The following ANKS1B variants were observed in gnomAD, a reference collection of about 807,000 sequenced individuals.
ANKS1B encodes the protein ankyrin repeat and sterile alpha motif domain-containing protein 1B.
In ANKS1B, 36 loss-of-function variants were observed where a neutral mutation model predicts 148.3. The observed-to-expected ratio is 0.24, with a 90% CI of 0.19 to 0.32. ANKS1B has a LOEUF of 0.32. Ranked by LOEUF, ANKS1B falls within the 10% of genes least tolerant of loss-of-function variation. The probability of loss-of-function intolerance (pLI) is 1.00; values close to 1 mark genes in which losing one functional copy is unlikely to be tolerated. For synonymous variants in ANKS1B, 542 were observed against 560.8 expected (o/e 0.97, Z 0.47); for missense variants, 1,157 against 1,542.6 (o/e 0.75, Z 4.19).
intron 17 of ANKS1B, among the ~76,000 whole-genome samples, chr12:98,938,056 G>A (rs201014651): frequency 2.0e-5 from 3 of 152,122 alleles, no homozygotes. Flanking sequence ...ATTACAATTC[G>A]AGATGATATT....
intron 1 of ANKS1B, among the ~76,000 whole-genome samples, chr12:99,970,343 G>T (rs78768762): frequency 0.02 from 3,049 of 152,196 alleles, 115 homozygotes; most frequent in African/African-American, 0.069. Context: ...CATTGAAAAG[G>T]TGTATGATAT....
intron 9 of ANKS1B, among the ~76,000 whole-genome samples, chr12:99,643,443 G>A (rs1384950091): frequency 2.0e-5 from 3 of 152,150 alleles, no homozygotes; most frequent in African/African-American, 7.2e-5. Flanking sequence ...TCAACAGTCC[G>A]AAGCAATTCA....
At chr12:99,379,552 AAAGG>A (rs1020237785) in intron 12 of ANKS1B, among the ~76,000 whole-genome samples, 1 of 152,212 alleles carries the variant, frequency 6.6e-6, no homozygotes, top group Non-Finnish European at 1.5e-5. Flanking sequence ...TTTATTGCTG[AAAGG>A]AAGGAAACTT....
chr12:99,079,745 C>T (rs990299110), intron 16 of ANKS1B: 8 of 152,176 alleles, frequency 5.3e-5, no homozygotes, highest in Non-Finnish European at 1.0e-4. Flanking sequence ...TTGAGCTTGC[C>T]TTGCAAGAAG....
chr12:99,415,827 G>A (rs1387468130), intron 11 of ANKS1B, among the ~76,000 whole-genome samples: 2 of 152,078 alleles, frequency 1.3e-5, no homozygotes, highest in Non-Finnish European at 2.9e-5. Context: ...GGGACTACAG[G>A]CGCCCGCCAC....
Position 98,751,638 on chromosome 12 carries a change from A to T in ANKS1B, c.3580-116T>A. 1 of 952,724 alleles carries T rather than the reference A, an allele frequency of 1.0e-6. No individual in the cohort carries two copies. Among genetic ancestry groups the T allele is most frequent in the Non-Finnish European group, 1.6e-6 (1 of 615,532 alleles). 59.0% of individuals were successfully genotyped at this position (952,724 alleles called of 1,614,324 possible). A position where few individuals can be genotyped will look rare whatever the true frequency, so the allele number is the denominator to read the frequency against. On this transcript the variant is annotated intron_variant, in intron 25 of 26. Transcript: ENST00000683438. The surrounding 1 kb of genome is among the most constrained non-coding windows in gnomAD (Gnocchi z 4.3). ...GGAGGAACTTGAACTACTTCACCAG[A>T]GGCAGCAGCGATTCGGTGGAAATCT...
intron 11 of ANKS1B, among the ~76,000 whole-genome samples, chr12:99,430,805 T>G (rs779280659): frequency 8.5e-5 from 13 of 152,220 alleles, no homozygotes; most frequent in Non-Finnish European, 1.8e-4. Flanking sequence ...GATGTGTGTC[T>G]AATCCAAGAG....
intron 10 of ANKS1B, among the ~76,000 whole-genome samples, chr12:99,453,464 T>A (rs2095793051): frequency 6.6e-6 from 1 of 152,132 alleles, no homozygotes; most frequent in African/African-American, 2.4e-5. Flanking sequence ...CTACGTGGCA[T>A]GGTAAGGAGC....
At chr12:99,597,642 T>C (rs2153275679) in intron 9 of ANKS1B, among the ~76,000 whole-genome samples, 1 of 152,208 alleles carries the variant, frequency 6.6e-6, no homozygotes, top group East Asian at 1.9e-4. Context: ...CAATAGACTT[T>C]TCTGATGATG....
chr12:99,503,242 T>C (rs994711223), intron 10 of ANKS1B, among the ~76,000 whole-genome samples: 4 of 152,244 alleles, frequency 2.6e-5, no homozygotes, highest in Admixed American at 6.5e-5. Flanking sequence ...GCTAAGAATA[T>C]AGGCATGAGC....
intron 17 of ANKS1B, among the ~76,000 whole-genome samples, chr12:98,902,646 C>A (rs903596603): frequency 2.0e-5 from 3 of 152,162 alleles, no homozygotes; most frequent in Admixed American, 2.0e-4. Flanking sequence ...TGGTTGTAGA[C>A]CCTGAGCAAC....
At chr12:99,432,176 C>A (rs2095386433) in intron 11 of ANKS1B, among the ~76,000 whole-genome samples, 1 of 152,172 alleles carries the variant, frequency 6.6e-6, no homozygotes. Flanking sequence ...TCCCAGCCTG[C>A]AGAAGTGTGA....
intron 9 of ANKS1B, among the ~76,000 whole-genome samples, chr12:99,628,149 T>C (rs1834359371): frequency 6.6e-6 from 1 of 152,132 alleles, no homozygotes. Flanking sequence ...CTACACTGAA[T>C]ACTGTAGACG....
chr12:99,542,020 A>G (rs1196997596), intron 9 of ANKS1B, among the ~76,000 whole-genome samples: 6 of 152,342 alleles, frequency 3.9e-5, no homozygotes, highest in African/African-American at 1.4e-4. Flanking sequence ...CAAGAAATGG[A>G]TGTCACTCAC....
Position 98,744,357 on chromosome 12 carries a change from T to TA in ANKS1B, c.*1381dup. The TA allele has an allele frequency of 3.3e-6, 3 of 907,650 alleles. No individual in the cohort carries two copies. The highest frequency in any genetic ancestry group is 4.0e-6 in the Non-Finnish European group (3 of 759,200). 56.2% of individuals were successfully genotyped at this position (907,650 alleles called of 1,614,324 possible). A position where few individuals can be genotyped will look rare whatever the true frequency, so the allele number is the denominator to read the frequency against. On this transcript the variant is annotated 3_prime_UTR_variant, in exon 27 of 27. Coordinates refer to ENST00000683438, the MANE Select transcript of ANKS1B (RefSeq NM_001352186.2). Reference sequence around the variant, plus strand: ...TGTAACTGATCATCTCAGTTAGGTTTAAAATAATGTCAGTTAATAAAAAAA... The same window carrying TA: ...TGTAACTGATCATCTCAGTTAGGTTTAAAAATAATGTCAGTTAATAAAAAAA...
chr12:99,322,827 G>C (rs2085554765), intron 12 of ANKS1B, among the ~76,000 whole-genome samples: 1 of 152,216 alleles, frequency 6.6e-6, no homozygotes. Flanking sequence ...CATGGAGGAA[G>C]TTTTCCCCGT....
chr12:98,783,294 C>T (rs2098755638), intron 22 of ANKS1B, among the ~76,000 whole-genome samples: 1 of 152,176 alleles, frequency 6.6e-6, no homozygotes, highest in Admixed American at 6.5e-5. Flanking sequence ...GTGCAAACAC[C>T]AGTCTGCTGA....
intron 9 of ANKS1B, among the ~76,000 whole-genome samples, chr12:99,591,965 G>T (rs2097707356): frequency 6.6e-6 from 1 of 152,088 alleles, no homozygotes; most frequent in African/African-American, 2.4e-5. Flanking sequence ...CAATGTTTCA[G>T]CTTCTATGAT....
intron 8 of ANKS1B, among the ~76,000 whole-genome samples, chr12:99,770,621 G>A (rs2063104500): frequency 6.6e-6 from 1 of 151,736 alleles, no homozygotes; most frequent in African/African-American, 2.4e-5. Context: ...CTTCTGAAAG[G>A]TCAGTTCCAA....
Sources: allele counts gnomAD v4.1 joint callset (sites outside exome capture counted in the v4.1 genomes callset), GRCh38; gene constraint gnomAD v4.1.1; non-coding constraint Gnocchi (gnomAD v3.1); transcripts MANE v1.5; gene names NCBI Gene and HGNC (gene_info 2026-07-23, HGNC 2026-07-21).